The following SPATS2 variants were observed in gnomAD, a reference collection of about 807,000 sequenced individuals.
SPATS2 encodes the protein spermatogenesis-associated serine-rich protein 2.
SPATS2 carries 38 observed loss-of-function variants against 63.7 expected under a neutral mutation model. The ratio of observed to expected loss-of-function variants is 0.60; its 90% CI spans 0.46 to 0.78. The LOEUF is 0.78. SPATS2 is among the 30% of genes least tolerant of loss of function. The probability of loss-of-function intolerance (pLI) is 0.00; values close to 1 mark genes in which losing one functional copy is unlikely to be tolerated. For synonymous variants in SPATS2, 207 were observed against 232.9 expected, an observed-to-expected ratio of 0.89 and a Z score of 1.01; for missense variants, 588 against 666.2, an observed-to-expected ratio of 0.88 and a Z score of 1.29.
At chr12:49,395,124 G>A (rs1322357567) in intron 2 of SPATS2, among the ~76,000 whole-genome samples, 1 of 151,776 alleles carries the variant, frequency 6.6e-6, no homozygotes, top group Non-Finnish European at 1.5e-5. Flanking sequence ...TTTTTAATCT[G>A]GATTCCTTTT....
At chr12:49,367,270 TCTGG>T, upstream of SPATS2, 8 of 331,388 alleles carry the variant, frequency 2.4e-5, no homozygotes, top group Non-Finnish European at 4.4e-5. Flanking sequence ...CGCCCTGAGC[TCTGG>T]CTGGCTGGCT....
At chr12:49,438,593 G>T (rs1042464979) in intron 2 of SPATS2, among the ~76,000 whole-genome samples, 3 of 151,986 alleles carry the variant, frequency 2.0e-5, no homozygotes. Context: ...ACCAAACTTG[G>T]TATTGTCTAT....
chr12:49,516,184 T>A (rs1203929583), intron 10 of SPATS2, among the ~76,000 whole-genome samples: 22 of 83,464 alleles, frequency 2.6e-4, no homozygotes, highest in Non-Finnish European at 3.7e-4. Flanking sequence ...TATATATATA[T>A]ATATATATAT....
intron 3 of SPATS2, among the ~76,000 whole-genome samples, chr12:49,471,884 C>T (rs576266741): frequency 3.1e-4 from 47 of 152,232 alleles, no homozygotes; most frequent in South Asian, 1.2e-3. Flanking sequence ...TGCAGTGGCT[C>T]GTACCTGGAT....
chr12:49,384,905 G>T (rs920863711), intron 2 of SPATS2, among the ~76,000 whole-genome samples: 7 of 152,048 alleles, frequency 4.6e-5, no homozygotes, highest in African/African-American at 1.5e-4. Flanking sequence ...CGCTTCCCGG[G>T]TTCAAGCAAT....
chr12:49,370,788 C>T (rs1266746483), intron 1 of SPATS2, among the ~76,000 whole-genome samples: 2 of 152,146 alleles, frequency 1.3e-5, no homozygotes, highest in East Asian at 1.9e-4. Flanking sequence ...CCCCCAACCT[C>T]CTCCCACCTG....
intron 3 of SPATS2, among the ~76,000 whole-genome samples, chr12:49,473,206 G>T (rs1946067829): frequency 6.6e-6 from 1 of 152,074 alleles, no homozygotes; most frequent in Non-Finnish European, 1.5e-5. Context: ...CCTGAGTTCA[G>T]GAGTTTGAAA....
chr12:49,437,897 T>G (rs556826598), intron 2 of SPATS2, among the ~76,000 whole-genome samples: 2 of 152,194 alleles, frequency 1.3e-5, no homozygotes, highest in Non-Finnish European at 2.9e-5. Context: ...TGGTTTCTTA[T>G]GTACAAATGA....
chr12:49,417,874 T>C (rs186621397), intron 2 of SPATS2, among the ~76,000 whole-genome samples: 8 of 152,308 alleles, frequency 5.3e-5, no homozygotes, highest in Non-Finnish European at 7.4e-5. Flanking sequence ...AAAAGTGTAT[T>C]AGCATGTATG....
chr12:49,497,391 A>C (rs1428830370), intron 8 of SPATS2, among the ~76,000 whole-genome samples: 3 of 143,054 alleles, frequency 2.1e-5, no homozygotes, highest in Non-Finnish European at 3.0e-5. Flanking sequence ...TCTGACATTG[A>C]CTTTTTTTTT....
At chr12:49,462,520 C>T (rs886469222) in intron 3 of SPATS2, 1 of 691,226 alleles carries the variant, frequency 1.4e-6, no homozygotes, top group South Asian at 1.5e-5. Context: ...GGTGGCTGCC[C>T]TCTGCCAGCA....
intron 2 of SPATS2, among the ~76,000 whole-genome samples, chr12:49,399,160 T>C (rs1416101636): frequency 1.3e-5 from 2 of 152,158 alleles, no homozygotes; most frequent in Non-Finnish European, 2.9e-5. Context: ...TAATTCTTTT[T>C]TTTTTCCTTT....
intron 2 of SPATS2, among the ~76,000 whole-genome samples, chr12:49,426,666 C>T (rs1287027304): frequency 6.6e-6 from 1 of 152,166 alleles, no homozygotes; most frequent in East Asian, 1.9e-4. Flanking sequence ...GCCTCAGCCT[C>T]CCGAGTAGCT....
chr12:49,489,548 C>T lies in SPATS2; in HGVS notation c.189C>T (p.Asp63=). The T allele has an allele frequency of 6.2e-7, 1 of 1,613,500 alleles. No homozygotes were observed. Among genetic ancestry groups the T allele is most frequent in the Non-Finnish European group, 8.5e-7 (1 of 1,179,718 alleles). Reference sequence around the variant, plus strand: ...TGCAGCACTTTGATAACTGTGTGGACAAAACAGTACAAGCATTCATGGAAG... The same window carrying T: ...TGCAGCACTTTGATAACTGTGTGGATAAAACAGTACAAGCATTCATGGAAG... The part of the protein sequence containing the change: ...LVLQHFDNCV[D]KTVQAFMEGS... Residue 63 remains aspartate (D), a synonymous_variant, in exon 5 of 14, where the codon GAC becomes GAT. Coordinates refer to ENST00000552918, the MANE Select transcript of SPATS2 (RefSeq NM_023071.4).
chr12:49,467,848 C>T (rs555480367), intron 3 of SPATS2, among the ~76,000 whole-genome samples: 6 of 151,716 alleles, frequency 4.0e-5, no homozygotes, highest in African/African-American at 1.4e-4. Flanking sequence ...GGTCTCCTGC[C>T]TGAGCCTCCT....
At chr12:49,439,817 C>T (rs1016383142) in intron 2 of SPATS2, among the ~76,000 whole-genome samples, 1 of 152,194 alleles carries the variant, frequency 6.6e-6, no homozygotes, top group African/African-American at 2.4e-5. Flanking sequence ...GAACACCTGG[C>T]GTCTTTGCCC....
At chr12:49,465,650 CT>C (rs1344379210) in intron 3 of SPATS2, among the ~76,000 whole-genome samples, 2 of 152,056 alleles carry the variant, frequency 1.3e-5, no homozygotes, top group Non-Finnish European at 2.9e-5. Flanking sequence ...TTGTCTTCTA[CT>C]TTTCTTAATG....
chr12:49,504,362 C>G (rs935384848), intron 9 of SPATS2, among the ~76,000 whole-genome samples: 10 of 152,136 alleles, frequency 6.6e-5, no homozygotes, highest in African/African-American at 2.4e-4. Flanking sequence ...CATCTCTAGA[C>G]CCAAGTTTAC....
chr12:49,499,081 T>C (rs974115432), intron 8 of SPATS2, among the ~76,000 whole-genome samples: 1 of 152,190 alleles, frequency 6.6e-6, no homozygotes, highest in African/African-American at 2.4e-5. Context: ...CCACCACACC[T>C]GGCCCTATAG....
Sources: allele counts gnomAD v4.1 joint callset (sites outside exome capture counted in the v4.1 genomes callset), GRCh38; gene constraint gnomAD v4.1.1; transcripts MANE v1.5; gene names NCBI Gene and HGNC (gene_info 2026-07-23, HGNC 2026-07-21).